Variants in HIBCH observed in about 807,000 individuals in gnomAD.
The protein encoded by HIBCH is 3-hydroxyisobutyryl-CoA hydrolase, mitochondrial.
Under a neutral mutation model 58.2 loss-of-function variants are expected in HIBCH, and 50 were observed. That is an observed-to-expected ratio of 0.86 (90% CI 0.68 to 1.09). HIBCH has a LOEUF of 1.09. Among genes scored for constraint, HIBCH ranks in the 50% least tolerant of loss-of-function variants. The probability of loss-of-function intolerance (pLI) is 0.00; values close to 1 mark genes in which losing one functional copy is unlikely to be tolerated. For synonymous variants in HIBCH, 151 were observed against 146.9 expected (o/e 1.03, Z -0.20); for missense variants, 450 against 449.7 (o/e 1.00, Z -0.01).
rs1342716533 is a variant in HIBCH at position 190,207,783 on chromosome 2, A to T, written c.1045+1097T>A. On this transcript the variant is annotated intron_variant, in intron 13 of 13. Coordinates refer to ENST00000359678, the MANE Select transcript of HIBCH (RefSeq NM_014362.4). This position sits in a 1 kb window ranked among gnomAD's most constrained non-coding sequence, Gnocchi z 4.5. Reference sequence around the variant, plus strand: ...GTAGTCCCAGCTACTCAGGAGGCTGAGGTAGGCAAATCACTTGAACCTGGG... The same window carrying T: ...GTAGTCCCAGCTACTCAGGAGGCTGTGGTAGGCAAATCACTTGAACCTGGG... Among the ~76,000 whole-genome samples, 1 of 152,188 alleles carries T rather than the reference A, an allele frequency of 6.6e-6. No homozygotes were observed. The highest frequency in any genetic ancestry group is 1.5e-5 in the Non-Finnish European group (1 of 68,028).
rs946415296 is a variant in HIBCH, at chr2:190,216,719, G to A, written c.892-3644C>T. On this transcript the variant is annotated intron_variant, in intron 11 of 13. Transcript: ENST00000359678. The surrounding 1 kb of genome is among the most constrained non-coding windows in gnomAD (Gnocchi z 4.2). The stretch of plus-strand genomic sequence containing the variant: ...AAACCCAATAGAGGCAAAAGAGGAT[G>A]CCAGTTTGCAATCCCTGAAGTAGAG... Among the ~76,000 whole-genome samples the A allele has an allele frequency of 1.8e-4, 27 of 152,226 alleles. No homozygotes were observed. The highest frequency in any genetic ancestry group is 2.4e-4 in the Non-Finnish European group (16 of 68,036).
At chr2:190,203,725 G>GA (rs1248329929), downstream of HIBCH, among the ~76,000 whole-genome samples, 1 of 152,054 alleles carries the variant, frequency 6.6e-6, no homozygotes, top group Non-Finnish European at 1.5e-5. Context: ...TTATTTGAAA[G>GA]AAAAATGCTT....
At chr2:190,267,349 C>T (rs962155734) in intron 6 of HIBCH, among the ~76,000 whole-genome samples, 2 of 152,026 alleles carry the variant, frequency 1.3e-5, no homozygotes, top group African/African-American at 4.8e-5. Flanking sequence ...GGATTACAGG[C>T]GCATGCCCTG....
Position 190,245,330 on chromosome 2 carries a change from T to A in HIBCH, c.810-362A>T. On this transcript the variant is annotated intron_variant, in intron 10 of 13. Coordinates refer to ENST00000359678, the MANE Select transcript of HIBCH (RefSeq NM_014362.4). ...AAAGCCAGTTTGTCAATCTCTCAAA[T>A]CATCACACAAAACCTTTTTTGCTGA... 1.8e-5 allele frequency: 4 copies of A among 226,706 alleles called. No individual in the cohort carries two copies. In the South Asian group the frequency reaches 2.4e-4, roughly 14 times the overall value. 14.0% of individuals were successfully genotyped at this position (226,706 alleles called of 1,614,324 possible).
chr2:190,221,133 A>T (rs1412986793), intron 11 of HIBCH, among the ~76,000 whole-genome samples: 3 of 152,218 alleles, frequency 2.0e-5, no homozygotes, highest in Non-Finnish European at 2.9e-5. Context: ...AACTTTATTT[A>T]AAAAGTTCTG....
In HIBCH at chr2:190,212,939, T is replaced by C. The variant is rs1331792072; in HGVS notation, c.1011+17A>G. ...CTTTTAGAACTAAAAAATGACATTTTTTTTTTAAATTCTTACCATACAAGC... is the reference window on the plus strand; with the variant it reads ...CTTTTAGAACTAAAAAATGACATTTCTTTTTTAAATTCTTACCATACAAGC... On this transcript the variant is annotated intron_variant, in intron 12 of 13. Transcript: ENST00000359678. 3.7e-6 allele frequency: 6 copies of C among 1,603,600 alleles called. No individual in the cohort carries two copies. Among genetic ancestry groups the C allele is most frequent in the Middle Eastern group, 4.2e-4 (2 of 4,736 alleles).
rs1185270489 is a variant in HIBCH, at chr2:190,315,916, G to A, written c.35+3800C>T. The stretch of plus-strand genomic sequence containing the variant: ...AATTCAATTTTTTGAATTTGAATTT[G>A]TACTGACATAAGCAGAAATAGTCAA... On this transcript the variant is annotated intron_variant, in intron 1 of 13. Coordinates refer to ENST00000359678, the MANE Select transcript of HIBCH (RefSeq NM_014362.4). This position sits in a 1 kb window ranked among gnomAD's most constrained non-coding sequence, Gnocchi z 5.4. Among the ~76,000 whole-genome samples, 2 of 152,172 alleles carry A rather than the reference G, an allele frequency of 1.3e-5. No individual in the cohort carries two copies. The highest frequency in any genetic ancestry group is 4.8e-5 in the African/African-American group (2 of 41,436).
intron 6 of HIBCH, among the ~76,000 whole-genome samples, chr2:190,263,286 G>A (rs1023404544): frequency 6.6e-5 from 10 of 152,094 alleles, no homozygotes; most frequent in Non-Finnish European, 1.2e-4. Context: ...AAACCCAGTA[G>A]TCAAATCTCA....
intron 6 of HIBCH, among the ~76,000 whole-genome samples, chr2:190,275,194 A>G (rs1687514675): frequency 6.6e-6 from 1 of 152,190 alleles, no homozygotes; most frequent in South Asian, 2.1e-4. Context: ...GGTGGAAAAA[A>G]AGGAAGACTA....
chr2:190,219,828 C>T (rs141070698), intron 11 of HIBCH, among the ~76,000 whole-genome samples: 6 of 152,242 alleles, frequency 3.9e-5, no homozygotes, highest in Non-Finnish European at 8.8e-5. Context: ...GTCTCGCTTT[C>T]GCTATTGTCC....
rs115166115 is a variant in HIBCH at position 190,301,249 on chromosome 2, G to A, written c.79-4296C>T. Reference sequence around the variant, plus strand: ...AACAAAAGGCTTTATCTGCAGGGAGGGGAAGGAAAACCCTCAAGCTTGTAG... The same window carrying A: ...AACAAAAGGCTTTATCTGCAGGGAGAGGAAGGAAAACCCTCAAGCTTGTAG... On this transcript the variant is annotated intron_variant, in intron 2 of 13. Transcript: ENST00000359678. 6.7e-3 allele frequency among the ~76,000 whole-genome samples: 1,025 copies of A among 152,166 alleles called. 13 individuals are homozygous for A. Among genetic ancestry groups the A allele is most frequent in the African/African-American group, 0.022 (930 of 41,496 alleles).
At chr2:190,250,470 T>C in intron 8 of HIBCH, 2 of 429,796 alleles carry the variant, frequency 4.7e-6, no homozygotes, top group South Asian at 3.6e-5. Context: ...TTTCATATCC[T>C]CTACAGCCCT....
intron 6 of HIBCH, among the ~76,000 whole-genome samples, chr2:190,269,425 A>C (rs935024494): frequency 6.6e-6 from 1 of 151,532 alleles, no homozygotes; most frequent in African/African-American, 2.4e-5. Flanking sequence ...ATATGAACAG[A>C]CTCTTCTCAA....
At chr2:190,224,174 G>C (rs1400717975) in intron 11 of HIBCH, among the ~76,000 whole-genome samples, 1 of 152,232 alleles carries the variant, frequency 6.6e-6, no homozygotes, top group East Asian at 1.9e-4. Context: ...AGCAGTCTGA[G>C]ATCGAACTAC....
chr2:190,213,069 TA>T lies in HIBCH; in HGVS notation c.897del (p.Asn300IlefsTer8). 6.2e-7 allele frequency: 1 copy of T among 1,606,740 alleles called. No individual in the cohort carries two copies. The highest frequency in any genetic ancestry group is 8.5e-7 in the Non-Finnish European group (1 of 1,173,474). ...SSFALEQLKV[I>X]NKMSPTSLKI... The stretch of plus-strand genomic sequence containing the variant: ...TTTAGAGATGTTGGAGACATTTTAT[TA>T]ATTACCTTTTGGAGGAAAAAATTTA... On this transcript the variant is annotated frameshift_variant, in exon 12 of 14. Transcript: ENST00000359678. LOFTEE classifies it high-confidence loss of function.
chr2:190,249,559 A>G (rs1686705233), intron 9 of HIBCH, 81 bp downstream of exon 9: 4 of 761,366 alleles, frequency 5.3e-6, no homozygotes, highest in Non-Finnish European at 9.2e-6. Flanking sequence ...TACAAACTAT[A>G]ATATTCACCA....
At chr2:190,198,460 G>A (rs1690080305) in intron 1 of HIBCH, among the ~76,000 whole-genome samples, 1 of 151,770 alleles carries the variant, frequency 6.6e-6, no homozygotes, top group African/African-American at 2.4e-5. Context: ...GGGCAAAATG[G>A]CAAAACCCTG....
At chr2:190,305,415 T>G (rs576493033) in intron 2 of HIBCH, among the ~76,000 whole-genome samples, 1 of 152,296 alleles carries the variant, frequency 6.6e-6, no homozygotes, top group South Asian at 2.1e-4. Context: ...CGGATAGTTC[T>G]CTGGCTTGTG....
In HIBCH at chr2:190,217,719, A is replaced by G. The variant is rs1476911455; in HGVS notation, c.892-4644T>C. On this transcript the variant is annotated intron_variant, in intron 11 of 13. Transcript: ENST00000359678. This position sits in a 1 kb window ranked among gnomAD's most constrained non-coding sequence, Gnocchi z 4.6. ...ACTCGGTGCTAATTAAAACCTGGAA[A>G]GAAGACATGCTCCACCCAAGCTGGG... 6.6e-6 allele frequency among the ~76,000 whole-genome samples: 1 copy of G among 152,166 alleles called. No individual in the cohort carries two copies. Among genetic ancestry groups the G allele is most frequent in the Non-Finnish European group, 1.5e-5 (1 of 68,030 alleles).
Sources: gnomAD v4.1 joint callset for allele counts (sites outside exome capture counted in the v4.1 genomes callset) on GRCh38, gnomAD v4.1.1 for gene constraint, Gnocchi (gnomAD v3.1) non-coding constraint, MANE v1.5 for transcripts, NCBI Gene and HGNC (gene_info 2026-07-23, HGNC 2026-07-21) for gene names.